Variants in ZNF600 observed in about 807,000 individuals in gnomAD.
ZNF600 encodes zinc finger protein 600.
In ZNF600, 4 loss-of-function variants were observed where a neutral mutation model predicts 7.3. The ratio of observed to expected loss-of-function variants is 0.55; its 90% confidence interval spans 0.27 to 1.25. ZNF600 has a LOEUF of 1.25. Ranked by LOEUF, ZNF600 falls within the 50% of genes most tolerant of loss-of-function variation. The probability of loss-of-function intolerance (pLI) is 0.12; values close to 1 mark genes in which losing one functional copy is unlikely to be tolerated. For missense variants in ZNF600, 911 were observed against 922.1 expected (o/e 0.99, Z 0.16); for synonymous variants, 290 against 308.9 (o/e 0.94, Z 0.64).
At chr19:52,790,900 C>G (rs924099879), upstream of ZNF600, among the ~76,000 whole-genome samples, 1 of 152,102 alleles carries the variant, frequency 6.6e-6, no homozygotes, top group Admixed American at 6.6e-5. Flanking sequence ...AGGCTGGTCT[C>G]AAACCCCTGG....
the ZNF600 span, among the ~76,000 whole-genome samples, chr19:52,829,626 G>T: frequency 1.3e-5 from 2 of 151,890 alleles, no homozygotes; most frequent in African/African-American, 4.8e-5. Context: ...TGCCCGTCTC[G>T]GCCGCCCAAA....
At chr19:52,801,441 T>A in the ZNF600 span, 10 of 1,614,224 alleles carry the variant, frequency 6.2e-6, no homozygotes, top group Non-Finnish European at 8.5e-6. Context: ...ATCTTTAATA[T>A]GCTTGTTTCC....
At chr19:52,800,990 G>T in the ZNF600 span, 1 of 1,614,014 alleles carries the variant, frequency 6.2e-7, no homozygotes, top group Non-Finnish European at 8.5e-7. Context: ...GAAGGAAGAG[G>T]GATGTATTGT....
exon 4 of ZNF600, chr19:52,765,905 C>A (rs1568622848): frequency 6.2e-7 from 1 of 1,614,046 alleles, no homozygotes; most frequent in East Asian, 2.2e-5. Flanking sequence ...GATTAAAAGC[C>A]TTCCCACATT....
At chr19:52,820,964 A>G in the ZNF600 span, among the ~76,000 whole-genome samples, 17,297 of 147,410 alleles carry the variant, frequency 0.12, 1,535 homozygotes, top group African/African-American at 0.24. Flanking sequence ...GGAGTAAGAC[A>G]CCTGCATCTC....
chr19:52,817,874 C>T, the ZNF600 span: 154 of 1,604,712 alleles, frequency 9.6e-5, no homozygotes, highest in East Asian at 6.5e-4. Flanking sequence ...TCAGAGAAGA[C>T]TCCCAACTCC....
chr19:52,801,371 C>A, the ZNF600 span: 1 of 1,614,182 alleles, frequency 6.2e-7, no homozygotes, highest in East Asian at 2.2e-5. Flanking sequence ...TACCAATTTT[C>A]CCTTCAGGCT....
the ZNF600 span, among the ~76,000 whole-genome samples, chr19:52,793,150 A>G: frequency 1.3e-5 from 2 of 152,128 alleles, no homozygotes; most frequent in African/African-American, 4.8e-5. Context: ...ATGGTTTGCT[A>G]TACTCAGTGC....
At chr19:52,832,660 T>C in the ZNF600 span, among the ~76,000 whole-genome samples, 1 of 152,140 alleles carries the variant, frequency 6.6e-6, no homozygotes, top group Admixed American at 6.5e-5. Flanking sequence ...TCAAGCTCTT[T>C]GGGAGGCTGA....
chr19:52,817,096 G>C, the ZNF600 span, among the ~76,000 whole-genome samples: 88,805 of 151,682 alleles, frequency 0.59, 27,201 homozygotes, highest in Non-Finnish European at 0.69. Context: ...GAATAGGCCA[G>C]GAACGGTGGC....
chr19:52,785,544 C>G (rs1337618204), intron 1 of ZNF600, among the ~76,000 whole-genome samples: 4 of 152,158 alleles, frequency 2.6e-5, no homozygotes, highest in Admixed American at 2.6e-4. Context: ...CCACAGCGCC[C>G]GGTCCTTATT....
At chr19:52,787,457 A>G (rs1386818736), upstream of ZNF600, among the ~76,000 whole-genome samples, 1 of 124,012 alleles carries the variant, frequency 8.1e-6, no homozygotes, top group Non-Finnish European at 1.6e-5. Flanking sequence ...CCCAGGCTGG[A>G]GTGCAGTGGC....
At chr19:52,813,423 CCG>C in the ZNF600 span, among the ~76,000 whole-genome samples, 7 of 121,004 alleles carry the variant, frequency 5.8e-5, no homozygotes, top group African/African-American at 1.2e-4. Flanking sequence ...AAGCTGCTCC[CCG>C]TGTTTCCCTG....
intron 3 of ZNF600, among the ~76,000 whole-genome samples, chr19:52,769,598 T>C (rs1160141712): frequency 1.3e-5 from 2 of 152,152 alleles, no homozygotes; most frequent in Admixed American, 1.3e-4. Flanking sequence ...CCACTACCCA[T>C]CTCTGCATCT....
chr19:52,815,860 C>T, the ZNF600 span, among the ~76,000 whole-genome samples: 3,178 of 146,756 alleles, frequency 0.022, 595 homozygotes, highest in African/African-American at 0.08. Context: ...CTGGCCTTGA[C>T]AACGGTGTGA....
At chr19:52,779,130 T>C (rs866664357) in intron 1 of ZNF600, among the ~76,000 whole-genome samples, 9 of 152,108 alleles carry the variant, frequency 5.9e-5, no homozygotes, top group Non-Finnish European at 1.3e-4. Context: ...CCCCACACAC[T>C]AGGCAGCAGT....
the ZNF600 span, chr19:52,800,124 G>C: frequency 2.5e-6 from 4 of 1,613,958 alleles, no homozygotes; most frequent in Non-Finnish European, 2.5e-6. Flanking sequence ...TTTCTCTCCA[G>C]TATGAATCCT....
the ZNF600 span, among the ~76,000 whole-genome samples, chr19:52,827,767 G>C: frequency 0.012 from 1,790 of 151,904 alleles, 60 homozygotes; most frequent in African/African-American, 0.041. Context: ...GGATGGTCTC[G>C]ATCTCCTGAC....
At chr19:52,831,668 A>G in the ZNF600 span, among the ~76,000 whole-genome samples, 1 of 151,724 alleles carries the variant, frequency 6.6e-6, no homozygotes, top group East Asian at 1.9e-4. Flanking sequence ...ACGCCCAGCT[A>G]ATTTTTTTTG....
Sources: gnomAD v4.1 joint callset for allele counts (sites outside exome capture counted in the v4.1 genomes callset) on GRCh38, gnomAD v4.1.1 for gene constraint, MANE v1.5 for transcripts, NCBI Gene and HGNC (gene_info 2026-07-23, HGNC 2026-07-21) for gene names.